The following CAPN5 variants were observed in gnomAD, a reference collection of about 807,000 sequenced individuals.
CAPN5 encodes the protein calpain-5.
A neutral mutation model predicts 73.0 loss-of-function variants in CAPN5; 54 were observed. The ratio of observed to expected loss-of-function variants is 0.74; its 90% CI spans 0.59 to 0.93. The LOEUF is 0.93. Ranked by LOEUF, CAPN5 falls within the 40% of genes least tolerant of loss-of-function variation. The pLI is 0.00. For synonymous variants in CAPN5, 335 were observed against 356.9 expected, an observed-to-expected ratio of 0.94 and a Z score of 0.69; for missense variants, 785 against 882.9, an observed-to-expected ratio of 0.89 and a Z score of 1.41.
chr11:77,068,695 C>T (rs782525892), intron 1 of CAPN5, among the ~76,000 whole-genome samples: 2 of 152,138 alleles, frequency 1.3e-5, no homozygotes, highest in African/African-American at 2.4e-5. Flanking sequence ...CCCTTCTGCT[C>T]TCCTCTGCTC....
At chr11:77,122,536 C>CCCCCCCCCCCCCCCCCCCCCA in intron 11 of CAPN5, 40 bp from the exon 12 acceptor site, 1 of 1,256,624 alleles carries the variant, frequency 8.0e-7, no homozygotes, top group East Asian at 2.7e-5. Context: ...CCACAGCCCC[C>CCCCCCCCCCCCCCCCCCCCCA]ACCCCCACCC....
chr11:77,124,261 C>T lies in CAPN5; in HGVS notation c.*391C>T, dbSNP rs1555043462. ...TTGCCCCTCGTGTCCTAGGCCCAAC[C>T]CAGCCTCCCAGACCTCACTTTCCCC... On this transcript the variant is annotated 3_prime_UTR_variant, in exon 13 of 13. Coordinates refer to ENST00000648180, the MANE Select transcript of CAPN5 (RefSeq NM_004055.5). The T allele has an allele frequency of 5.1e-6, 1 of 194,306 alleles. No homozygotes were observed. The highest frequency in any genetic ancestry group is 1.1e-5 in the Non-Finnish European group (1 of 94,234). 12.0% of individuals were successfully genotyped at this position (194,306 alleles called of 1,614,324 possible).
At chr11:77,077,148 G>C (rs1342145640) in intron 1 of CAPN5, among the ~76,000 whole-genome samples, 1 of 152,198 alleles carries the variant, frequency 6.6e-6, no homozygotes, top group Admixed American at 6.5e-5. Context: ...CCTGAGGTCA[G>C]GAGTTTGAGA....
intron 2 of CAPN5, 40 bp downstream of exon 2, chr11:77,085,091 C>T: frequency 2.5e-6 from 4 of 1,579,242 alleles, no homozygotes; most frequent in Non-Finnish European, 2.6e-6. Context: ...TGAGCGGGCC[C>T]AGGCCCACCC....
At position 77,121,924 on chromosome 11, in the gene CAPN5, C is replaced by T; in HGVS notation, c.1488-10C>T. On this transcript the variant is annotated splice_polypyrimidine_tract_variant and intron_variant, in intron 10 of 12. Coordinates refer to ENST00000648180, the MANE Select transcript of CAPN5 (RefSeq NM_004055.5). ...CCATCACTCCCCTCTCCCCTGCCGCCCCATATCAGGGAGCTGCGCCTGGAT... is the reference window on the plus strand; with the variant it reads ...CCATCACTCCCCTCTCCCCTGCCGCTCCATATCAGGGAGCTGCGCCTGGAT... The T allele has an allele frequency of 1.3e-6, 2 of 1,511,642 alleles. No individual in the cohort carries two copies. The highest frequency in any genetic ancestry group is 8.9e-7 in the Non-Finnish European group (1 of 1,120,872). 93.6% of individuals were successfully genotyped at this position (1,511,642 alleles called of 1,614,324 possible).
chr11:77,118,180 G>C lies in CAPN5; in HGVS notation c.995G>C (p.Arg332Pro), dbSNP rs544320019. Reference sequence around the variant, plus strand: ...AGGATGACCTTCGAGGACGTGTGCCGGTACTTCACGGACATCATCAAGTGC... The same window carrying C: ...AGGATGACCTTCGAGGACGTGTGCCCGTACTTCACGGACATCATCAAGTGC... The part of the protein sequence containing the change: ...EFWMTFEDVC[R>P]YFTDIIKCRV... Residue 332 changes from arginine (R) to proline (P), a missense_variant, in exon 8 of 13, where the codon CGG becomes CCG. Physicochemically the swap from Arg to Pro is moderately radical, Grantham distance 103. Transcript: ENST00000648180. 1 of 1,613,608 alleles carries C rather than the reference G, an allele frequency of 6.2e-7. No homozygotes were observed. Among genetic ancestry groups the C allele is most frequent in the South Asian group, 1.1e-5 (1 of 91,026 alleles).
At chr11:77,087,006 T>C (rs781028771) in intron 2 of CAPN5, among the ~76,000 whole-genome samples, 15 of 152,320 alleles carry the variant, frequency 9.8e-5, no homozygotes, top group Non-Finnish European at 1.2e-4. Flanking sequence ...CTGCCCTTTC[T>C]AGACACGCAG....
chr11:77,069,494 C>T (rs536466103), intron 1 of CAPN5, among the ~76,000 whole-genome samples: 15 of 152,264 alleles, frequency 9.9e-5, no homozygotes, highest in Admixed American at 1.3e-4. Flanking sequence ...ACCAAGTCCC[C>T]TGGCTTCCCC....
chr11:77,119,014 T>C lies in CAPN5; in HGVS notation c.1168-16T>C. 6.2e-7 allele frequency: 1 copy of C among 1,605,504 alleles called. No individual in the cohort carries two copies. Among genetic ancestry groups the C allele is most frequent in the Non-Finnish European group, 8.5e-7 (1 of 1,175,858 alleles). The stretch of plus-strand genomic sequence containing the variant: ...CTCATTGCAGTGTCTCTCTCTCTCC[T>C]TGGCCACACCTGCAGTACATCTTCG... On this transcript the variant is annotated splice_polypyrimidine_tract_variant and intron_variant, in intron 8 of 12. Transcript: ENST00000648180.
intron 2 of CAPN5, among the ~76,000 whole-genome samples, chr11:77,090,320 G>A (rs1038531879): frequency 6.6e-6 from 1 of 152,204 alleles, no homozygotes; most frequent in Non-Finnish European, 1.5e-5. Context: ...CTCTGCCACA[G>A]CAAGTCAGGG....
intron 1 of CAPN5, among the ~76,000 whole-genome samples, chr11:77,075,065 G>T (rs1490744668): frequency 1.3e-5 from 2 of 152,140 alleles, no homozygotes; most frequent in Non-Finnish European, 2.9e-5. Context: ...CAAGACAGCC[G>T]TGACCAAGTC....
intron 2 of CAPN5, chr11:77,087,919 C>T: frequency 6.5e-6 from 10 of 1,536,016 alleles, no homozygotes; most frequent in African/African-American, 1.4e-5. Flanking sequence ...CCCACAGGCT[C>T]GCTATGTTTT....
chr11:77,100,345 C>T (rs766874735), intron 3 of CAPN5, among the ~76,000 whole-genome samples: 1 of 151,988 alleles, frequency 6.6e-6, no homozygotes, highest in Non-Finnish European at 1.5e-5. Context: ...AGCCTCAGTC[C>T]ACCCCCTCTG....
chr11:77,117,215 T>C (rs782476561), intron 7 of CAPN5, among the ~76,000 whole-genome samples: 108 of 152,252 alleles, frequency 7.1e-4, no homozygotes, highest in Middle Eastern at 3.4e-3. Flanking sequence ...CATCCTGGGC[T>C]AAAGAGCAAG....
chr11:77,110,532 C>T (rs1555040603), intron 3 of CAPN5, among the ~76,000 whole-genome samples: 1 of 152,178 alleles, frequency 6.6e-6, no homozygotes, highest in African/African-American at 2.4e-5. Flanking sequence ...GTTGGGAAGT[C>T]CTGGGTTTGA....
chr11:77,124,735 C>T lies in CAPN5; in HGVS notation c.*865C>T, dbSNP rs1231693952. 4 of 152,316 alleles carry T rather than the reference C, an allele frequency of 2.6e-5. No individual in the cohort carries two copies. The highest frequency in any genetic ancestry group is 4.8e-5 in the African/African-American group (2 of 41,440). The allele number at this position is 152,316 out of a possible 1,614,324, so 9.4% of individuals were successfully genotyped here. On this transcript the variant is annotated 3_prime_UTR_variant, in exon 13 of 13. Coordinates refer to ENST00000648180, the MANE Select transcript of CAPN5 (RefSeq NM_004055.5). ...CCAGGCAGCTGGGGGCCTTTGGGGA[C>T]CAGAAGGGGAGATGTGCTCCCAGAG...
chr11:77,111,977 G>A (rs1384593206), intron 3 of CAPN5, among the ~76,000 whole-genome samples: 2 of 152,054 alleles, frequency 1.3e-5, no homozygotes, highest in East Asian at 3.9e-4. Context: ...AAATGAGGCT[G>A]GGGGAGTGCA....
intron 1 of CAPN5, among the ~76,000 whole-genome samples, chr11:77,069,279 C>T (rs139328825): frequency 9.2e-5 from 14 of 152,276 alleles, no homozygotes; most frequent in African/African-American, 2.9e-4. Flanking sequence ...TGTCACTGAA[C>T]GCATCTTTCT....
chr11:77,081,897 G>A (rs1591114297), intron 1 of CAPN5, among the ~76,000 whole-genome samples: 1 of 152,102 alleles, frequency 6.6e-6, no homozygotes, highest in African/African-American at 2.4e-5. Flanking sequence ...CCCCTTGGGA[G>A]CCTCCGCCAC....
Sources: gnomAD v4.1 joint callset for allele counts (sites outside exome capture counted in the v4.1 genomes callset) on GRCh38, gnomAD v4.1.1 for gene constraint, MANE v1.5 for transcripts, NCBI Gene and HGNC (gene_info 2026-07-23, HGNC 2026-07-21) for gene names.